SORCS3: variants seen among roughly 807,000 people sequenced by gnomAD.
SORCS3 encodes sortilin related VPS10 domain containing receptor 3, also known as VPS10 domain-containing receptor SorCS3.
A neutral mutation model predicts 146.3 loss-of-function variants in SORCS3; 57 were observed. The observed-to-expected ratio is 0.39, with a 90% CI of 0.31 to 0.49. The LOEUF is 0.49. SORCS3 is among the 20% of genes least tolerant of loss of function. SORCS3 has a pLI of 0.92. For missense variants in SORCS3, 1,341 were observed against 1,575.5 expected, an observed-to-expected ratio of 0.85 and a Z score of 2.52; for synonymous variants, 653 against 618.5, an observed-to-expected ratio of 1.06 and a Z score of -0.83.
intron 1 of SORCS3, among the ~76,000 whole-genome samples, chr10:104,792,168 A>G (rs905018716): frequency 5.9e-5 from 9 of 152,230 alleles, no homozygotes; most frequent in Admixed American, 1.3e-4. Context: ...TGCAAGAGAA[A>G]CTCATGTTTT....
intron 9 of SORCS3, among the ~76,000 whole-genome samples, chr10:105,151,745 T>C (rs1405684775): frequency 2.0e-5 from 3 of 152,178 alleles, no homozygotes; most frequent in African/African-American, 7.2e-5. Flanking sequence ...AAGGCTGAGA[T>C]AATTTCCATT....
At chr10:105,056,215 G>A (rs549055538) in intron 5 of SORCS3, among the ~76,000 whole-genome samples, 4 of 152,274 alleles carry the variant, frequency 2.6e-5, no homozygotes, top group Middle Eastern at 3.4e-3. Flanking sequence ...TAGTTGATCC[G>A]CTAGAATAGC....
chr10:104,918,431 A>G (rs576394022), intron 3 of SORCS3, among the ~76,000 whole-genome samples: 1 of 152,350 alleles, frequency 6.6e-6, no homozygotes, highest in East Asian at 1.9e-4. Context: ...TTCTTCTTGT[A>G]CAGTGATAGC....
chr10:105,095,235 G>GGT (rs2055737551), intron 6 of SORCS3, among the ~76,000 whole-genome samples: 1 of 152,076 alleles, frequency 6.6e-6, no homozygotes, highest in African/African-American at 2.4e-5. Context: ...CTGTTTCCCT[G>GGT]GTCCCCGATC....
At chr10:105,242,596 G>A (rs189964710) in intron 20 of SORCS3, among the ~76,000 whole-genome samples, 27,444 of 69,004 alleles carry the variant, frequency 0.4, 4,449 homozygotes, top group South Asian at 0.54. Context: ...ATTTATATAT[G>A]TTTATATACA....
chr10:105,045,469 G>A (rs115774714), intron 5 of SORCS3, among the ~76,000 whole-genome samples: 1,887 of 152,058 alleles, frequency 0.012, 23 homozygotes, highest in African/African-American at 0.033. Flanking sequence ...TATAATTACC[G>A]CGATTATTCT....
intron 4 of SORCS3, among the ~76,000 whole-genome samples, chr10:105,029,989 T>G (rs1269896148): frequency 2.0e-5 from 3 of 152,182 alleles, no homozygotes; most frequent in Non-Finnish European, 2.9e-5. Flanking sequence ...ACAAGGTATC[T>G]GGATAACTTT....
intron 3 of SORCS3, among the ~76,000 whole-genome samples, chr10:104,972,619 TG>T (rs1232071456): frequency 1.3e-5 from 2 of 148,616 alleles, no homozygotes; most frequent in Admixed American, 6.7e-5. Context: ...GAGAATGGGA[TG>T]GGGGAGAGAG....
chr10:104,806,253 C>T (rs2017678831), intron 1 of SORCS3, among the ~76,000 whole-genome samples: 1 of 152,114 alleles, frequency 6.6e-6, no homozygotes, highest in Non-Finnish European at 1.5e-5. Flanking sequence ...TCTGAGTGTC[C>T]TTCCTTTGTG....
intron 7 of SORCS3, among the ~76,000 whole-genome samples, chr10:105,130,072 C>T (rs532342928): frequency 2.7e-4 from 41 of 152,138 alleles, no homozygotes; most frequent in Non-Finnish European, 5.3e-4. Flanking sequence ...GCATTGAGTA[C>T]GTGCTATGTG....
intron 14 of SORCS3, among the ~76,000 whole-genome samples, chr10:105,199,698 G>A (rs1362044047): frequency 6.6e-6 from 1 of 152,066 alleles, no homozygotes; most frequent in Admixed American, 6.6e-5. Flanking sequence ...TGGGACTACC[G>A]GTCCCAATTT....
intron 1 of SORCS3, among the ~76,000 whole-genome samples, chr10:104,661,097 C>T (rs949207505): frequency 1.3e-5 from 2 of 152,192 alleles, no homozygotes; most frequent in Admixed American, 1.3e-4. Flanking sequence ...ACCACTTAAA[C>T]AGTGACTTCC....
chr10:105,031,056 A>T (rs2055263083), intron 4 of SORCS3, among the ~76,000 whole-genome samples: 1 of 151,442 alleles, frequency 6.6e-6, no homozygotes. Context: ...GCACTTTGGG[A>T]GGCCGAGGTG....
At chr10:104,857,344 A>G (rs1388832989) in intron 2 of SORCS3, among the ~76,000 whole-genome samples, 4 of 152,136 alleles carry the variant, frequency 2.6e-5, no homozygotes, top group Non-Finnish European at 5.9e-5. Flanking sequence ...AACAGATATT[A>G]TAGAATAATT....
intron 5 of SORCS3, among the ~76,000 whole-genome samples, chr10:105,051,762 A>C (rs2133711242): frequency 6.6e-6 from 1 of 152,278 alleles, no homozygotes; most frequent in African/African-American, 2.4e-5. Flanking sequence ...ATCAGATTTT[A>C]AGGCTATTGC....
intron 6 of SORCS3, among the ~76,000 whole-genome samples, chr10:105,101,775 C>G (rs2055786911): frequency 6.6e-6 from 1 of 152,202 alleles, no homozygotes. Flanking sequence ...AGGTGTCCCC[C>G]TGTGTGTACC....
chr10:104,661,198 C>T (rs2015695598), intron 1 of SORCS3, among the ~76,000 whole-genome samples: 2 of 152,166 alleles, frequency 1.3e-5, no homozygotes, highest in Admixed American at 1.3e-4. Flanking sequence ...TCTGCCTTCT[C>T]CTGTTCCGTC....
In SORCS3 at chr10:104,914,517, G is replaced by C. The variant is rs563358845; in HGVS notation, c.696-1316G>C. 3.3e-5 allele frequency among the ~76,000 whole-genome samples: 5 copies of C among 152,264 alleles called. No individual in the cohort carries two copies. In the South Asian group the frequency reaches 6.2e-4, roughly 19 times the overall value. ...TAAGGGTCATCACATTGGGAAGGAG[G>C]CTGAGGTGGGAGGATGGCTTAAGCC... On this transcript the variant is annotated intron_variant, in intron 2 of 26. Transcript: ENST00000369701.
chr10:104,930,862 C>T (rs1231442778), intron 3 of SORCS3, among the ~76,000 whole-genome samples: 5 of 152,200 alleles, frequency 3.3e-5, no homozygotes, highest in African/African-American at 1.2e-4. Flanking sequence ...GTACCCATCT[C>T]CTTAGCTGAT....
Sources: gnomAD v4.1 joint callset for allele counts (sites outside exome capture counted in the v4.1 genomes callset) on GRCh38, gnomAD v4.1.1 for gene constraint, MANE v1.5 for transcripts, NCBI Gene and HGNC (gene_info 2026-07-23, HGNC 2026-07-21) for gene names.